Variants in CGNL1 observed in about 807,000 individuals in gnomAD.
CGNL1 encodes the protein cingulin like 1, also known as cingulin-like protein 1.
A neutral mutation model predicts 141.2 loss-of-function variants in CGNL1; 132 were observed. The observed-to-expected ratio is 0.93, with a 90% CI of 0.81 to 1.08. CGNL1 has a LOEUF of 1.08. CGNL1 is among the 50% of genes least tolerant of loss of function. CGNL1 has a pLI of 0.00. For missense variants in CGNL1, 1,870 were observed against 1,588.6 expected, an observed-to-expected ratio of 1.18 and a Z score of -3.01; for synonymous variants, 690 against 622.1, an observed-to-expected ratio of 1.11 and a Z score of -1.63.
intron 1 of CGNL1, among the ~76,000 whole-genome samples, chr15:57,399,627 C>T (rs952338971): frequency 6.6e-6 from 1 of 151,258 alleles, no homozygotes; most frequent in Non-Finnish European, 1.5e-5. Flanking sequence ...ATGGACAGTG[C>T]TACATTTCTG....
intron 8 of CGNL1, among the ~76,000 whole-genome samples, chr15:57,487,820 C>T (rs1270748058): frequency 6.6e-6 from 1 of 152,172 alleles, no homozygotes; most frequent in South Asian, 2.1e-4. Flanking sequence ...TTTAGATTAC[C>T]TCTCTCAAAG....
chr15:57,522,843 C>G (rs2031357623), intron 10 of CGNL1, among the ~76,000 whole-genome samples: 3 of 152,110 alleles, frequency 2.0e-5, no homozygotes, highest in African/African-American at 7.2e-5. Flanking sequence ...ACCTACCTGG[C>G]TAGTATTTTA....
intron 14 of CGNL1, among the ~76,000 whole-genome samples, chr15:57,535,914 A>T (rs1390561135): frequency 4.6e-5 from 7 of 152,166 alleles, no homozygotes; most frequent in Non-Finnish European, 2.9e-5. Flanking sequence ...TCTTTCTCTT[A>T]TGCATACATT....
At chr15:57,442,061 C>T (rs1469529480) in intron 3 of CGNL1, among the ~76,000 whole-genome samples, 1 of 150,986 alleles carries the variant, frequency 6.6e-6, no homozygotes, top group Non-Finnish European at 1.5e-5. Context: ...AATCAAACAA[C>T]AAATTACTAA....
intron 1 of CGNL1, among the ~76,000 whole-genome samples, chr15:57,385,269 C>A (rs1270389253): frequency 6.6e-6 from 1 of 152,230 alleles, no homozygotes; most frequent in African/African-American, 2.4e-5. Flanking sequence ...TGAAGTGGCT[C>A]ACGCCTATAA....
chr15:57,510,395 G>C (rs1193452356), intron 8 of CGNL1, among the ~76,000 whole-genome samples: 1 of 152,238 alleles, frequency 6.6e-6, no homozygotes, highest in African/African-American at 2.4e-5. Context: ...TGACTTCAGA[G>C]CCTTTGCTGT....
Position 57,452,287 on chromosome 15 carries a change from G to A in CGNL1, c.2052G>A (p.Glu684=). The change falls in exon 6 of 19, where the codon GAG becomes GAA. Residue 684 remains glutamate (E), a splice_region_variant and synonymous_variant. Transcript: ENST00000281282. ...AAGGGGAGCTCCGGAAGAATCTGGA[G>A]GAGTAAGTTCTGGGCTGAGAGCCTG... ...ESEGELRKNL[E]ELFQVKMERE... is the part of the protein sequence containing the mutation. 6.2e-7 allele frequency: 1 copy of A among 1,613,238 alleles called. No individual in the cohort carries two copies.
intron 8 of CGNL1, among the ~76,000 whole-genome samples, chr15:57,498,338 C>T (rs2152386009): frequency 7.5e-6 from 1 of 133,986 alleles, no homozygotes; most frequent in African/African-American, 2.7e-5. Context: ...CAGCCTCAAT[C>T]TCCCGGGCTC....
At chr15:57,464,916 GT>G (rs1434829676) in intron 8 of CGNL1, among the ~76,000 whole-genome samples, 1 of 151,480 alleles carries the variant, frequency 6.6e-6, no homozygotes, top group Non-Finnish European at 1.5e-5. Flanking sequence ...CGCCTGGCTA[GT>G]TTTTTTGTAT....
chr15:57,381,437 T>C (rs992003388), intron 1 of CGNL1, among the ~76,000 whole-genome samples: 7 of 152,110 alleles, frequency 4.6e-5, no homozygotes, highest in Non-Finnish European at 8.8e-5. Context: ...GGTGCGTGCC[T>C]GTGGTCCCAG....
Position 57,404,333 on chromosome 15 carries a change from A to C in CGNL1, c.-16+27766A>C, listed in dbSNP as rs768133375. Among the ~76,000 whole-genome samples, 17 of 152,310 alleles carry C rather than the reference A, an allele frequency of 1.1e-4. No homozygotes were observed. In the Middle Eastern group the frequency reaches 0.017, roughly 152 times the overall value. ...AAAAAGCAGAACAGCATCTTCATGGATTTATGAACGCTCAGAGTTTTTAAA... is the reference window on the plus strand; with the variant it reads ...AAAAAGCAGAACAGCATCTTCATGGCTTTATGAACGCTCAGAGTTTTTAAA... On this transcript the variant is annotated intron_variant, in intron 1 of 18. Coordinates refer to ENST00000281282, the MANE Select transcript of CGNL1 (RefSeq NM_032866.5).
At chr15:57,517,431 T>C (rs1405357050) in intron 9 of CGNL1, among the ~76,000 whole-genome samples, 1 of 152,182 alleles carries the variant, frequency 6.6e-6, no homozygotes. Flanking sequence ...TGGGAAGCTG[T>C]GACTGAGAGA....
chr15:57,511,938 G>A (rs1222892842), intron 8 of CGNL1, among the ~76,000 whole-genome samples: 1 of 152,178 alleles, frequency 6.6e-6, no homozygotes, highest in Non-Finnish European at 1.5e-5. Context: ...TATTTATGAT[G>A]GTGCTTCCTC....
chr15:57,496,758 A>G (rs1451857859), intron 8 of CGNL1, among the ~76,000 whole-genome samples: 1 of 152,164 alleles, frequency 6.6e-6, no homozygotes. Flanking sequence ...AGGACACCTC[A>G]CTGGTTGGAG....
At chr15:57,400,583 T>TA (rs1377470114) in intron 1 of CGNL1, among the ~76,000 whole-genome samples, 1 of 152,106 alleles carries the variant, frequency 6.6e-6, no homozygotes, top group Non-Finnish European at 1.5e-5. Context: ...TTTCTTATTG[T>TA]AAAAACAATA....
At chr15:57,488,587 A>G (rs557385231) in intron 8 of CGNL1, among the ~76,000 whole-genome samples, 12 of 152,318 alleles carry the variant, frequency 7.9e-5, no homozygotes, top group Admixed American at 5.2e-4. Flanking sequence ...ATCCTTGATC[A>G]TAAAGGTGAT....
At chr15:57,500,515 C>T (rs2064008617) in intron 8 of CGNL1, among the ~76,000 whole-genome samples, 1 of 152,178 alleles carries the variant, frequency 6.6e-6, no homozygotes, top group East Asian at 1.9e-4. Flanking sequence ...ACGTCAGGCC[C>T]CTCCTGAGCT....
chr15:57,383,259 G>A (rs533717708), intron 1 of CGNL1, among the ~76,000 whole-genome samples: 1 of 150,528 alleles, frequency 6.6e-6, no homozygotes, highest in Non-Finnish European at 1.5e-5. Context: ...GGATTGCAGG[G>A]TGGAGTTTAA....
chr15:57,392,952 G>C (rs1224089553), intron 1 of CGNL1, among the ~76,000 whole-genome samples: 1 of 152,210 alleles, frequency 6.6e-6, no homozygotes, highest in Non-Finnish European at 1.5e-5. Context: ...TGATTGGCCA[G>C]TATTAGTAGA....
Sources: allele counts gnomAD v4.1 joint callset (sites outside exome capture counted in the v4.1 genomes callset), GRCh38; gene constraint gnomAD v4.1.1; transcripts MANE v1.5; gene names NCBI Gene and HGNC (gene_info 2026-07-23, HGNC 2026-07-21).